Variants in CTBP2 observed in about 807,000 individuals in gnomAD.
CTBP2 encodes the protein C-terminal-binding protein 2.
A neutral mutation model predicts 80.3 loss-of-function variants in CTBP2; 30 were observed. The ratio of observed to expected loss-of-function variants is 0.37; its 90% confidence interval spans 0.28 to 0.51. CTBP2 has a LOEUF of 0.51. Ranked by LOEUF, CTBP2 falls within the 20% of genes least tolerant of loss-of-function variation. The pLI, the probability that CTBP2 is intolerant of heterozygous loss-of-function variation, is 0.93. For synonymous variants in CTBP2, 594 were observed against 587.4 expected, an observed-to-expected ratio of 1.01 and a Z score of -0.16; for missense variants, 1,212 against 1,375.3, an observed-to-expected ratio of 0.88 and a Z score of 1.88.
chr10:125,043,630 G>A (rs925161497), intron 2 of CTBP2, among the ~76,000 whole-genome samples: 1 of 152,052 alleles, frequency 6.6e-6, no homozygotes, highest in African/African-American at 2.4e-5. Flanking sequence ...TAGAGACTGG[G>A]TTTCACCGTG....
intron 3 of CTBP2, among the ~76,000 whole-genome samples, chr10:125,036,249 A>C (rs1211883897): frequency 6.6e-6 from 1 of 152,188 alleles, no homozygotes; most frequent in Non-Finnish European, 1.5e-5. Context: ...AGGTTGTACA[A>C]GTATCTGTGC....
At chr10:125,049,046 G>GACACACACACACACACACACGCAC (rs1962009426) in intron 2 of CTBP2, among the ~76,000 whole-genome samples, 1 of 89,662 alleles carries the variant, frequency 1.1e-5, no homozygotes, top group Non-Finnish European at 2.5e-5. Flanking sequence ...CCTGACCACA[G>GACACACACACACACACACACGCAC]ACACACACAC....
At chr10:125,115,885 G>A (rs574395028) in intron 1 of CTBP2, among the ~76,000 whole-genome samples, 1 of 152,198 alleles carries the variant, frequency 6.6e-6, no homozygotes, top group South Asian at 2.1e-4. Context: ...CCAAGCACAG[G>A]GCATGGTAGC....
At chr10:125,003,310 A>G in intron 2 of CTBP2, 28 bp downstream of exon 4, 1 of 1,603,978 alleles carries the variant, frequency 6.2e-7, no homozygotes, top group Non-Finnish European at 8.5e-7. Context: ...AGGTCAGTGC[A>G]GGCCCCGGCC....
chr10:125,124,936 A>G (rs1385550254), intron 1 of CTBP2, among the ~76,000 whole-genome samples: 1 of 152,232 alleles, frequency 6.6e-6, no homozygotes, highest in African/African-American at 2.4e-5. Flanking sequence ...GCTGGCATTT[A>G]TCTCGATGAA....
At chr10:125,064,415 G>A (rs1014251456) in intron 2 of CTBP2, among the ~76,000 whole-genome samples, 4 of 152,178 alleles carry the variant, frequency 2.6e-5, no homozygotes, top group Non-Finnish European at 5.9e-5. Flanking sequence ...TGTGGTGGGA[G>A]GGGTGCAATC....
chr10:125,057,173 A>C (rs2135288361), intron 2 of CTBP2, among the ~76,000 whole-genome samples: 1 of 152,300 alleles, frequency 6.6e-6, no homozygotes, highest in South Asian at 2.1e-4. Flanking sequence ...TAGAGACAAA[A>C]CCGATGAAAA....
intron 1 of CTBP2, among the ~76,000 whole-genome samples, chr10:125,006,748 T>C (rs1955294121): frequency 1.3e-5 from 2 of 152,224 alleles, no homozygotes; most frequent in Admixed American, 6.5e-5. Flanking sequence ...TACATTAAGA[T>C]GGAACACGAC....
At chr10:125,122,478 A>G (rs1376961766) in intron 1 of CTBP2, among the ~76,000 whole-genome samples, 1 of 152,198 alleles carries the variant, frequency 6.6e-6, no homozygotes, top group Non-Finnish European at 1.5e-5. Context: ...TCCTAAAGAA[A>G]CCATGCCAGC....
intron 2 of CTBP2, among the ~76,000 whole-genome samples, chr10:125,082,180 CCCCAGGCAG>C (rs1233651601): frequency 6.6e-6 from 1 of 152,240 alleles, no homozygotes; most frequent in Non-Finnish European, 1.5e-5. Context: ...GCCCTCCTCC[CCCCAGGCAG>C]CCTGTCTCTG....
intron 1 of CTBP2, among the ~76,000 whole-genome samples, chr10:125,013,901 C>T (rs984488712): frequency 3.3e-5 from 5 of 152,190 alleles, no homozygotes; most frequent in East Asian, 3.9e-4. Context: ...GATCTTGCCT[C>T]GGCAGGCTGA....
At chr10:125,087,361 C>T (rs750212347) in intron 2 of CTBP2, among the ~76,000 whole-genome samples, 12 of 152,058 alleles carry the variant, frequency 7.9e-5, no homozygotes, top group East Asian at 3.9e-4. Flanking sequence ...CATGAGCCAC[C>T]GCGCCCAGCC....
chr10:125,077,988 A>T (rs951777884), intron 2 of CTBP2, among the ~76,000 whole-genome samples: 1 of 152,128 alleles, frequency 6.6e-6, no homozygotes, highest in African/African-American at 2.4e-5. Flanking sequence ...TTCCCATAAG[A>T]ACCTTTCTCA....
In CTBP2 at chr10:124,993,315, G is replaced by A. The variant is rs200832115; in HGVS notation, c.2546C>T (p.Pro849Leu). ...GATGAGATTCGGGGCATCTTTCAACGGACCCTGAGCAAAGCTAGAAAAATG... is the reference window on the plus strand; with the variant it reads ...GATGAGATTCGGGGCATCTTTCAACAGACCCTGAGCAAAGCTAGAAAAATG... Residue 849 changes from proline to leucine, a missense_variant, in exon 7 of 9, where the codon CCG becomes CTG. Pro to Leu is a moderately conservative substitution (Grantham distance 98, BLOSUM62 -3). Transcript: ENST00000309035. The A allele has an allele frequency of 5.5e-5, 88 of 1,608,836 alleles. No homozygotes were observed. Among genetic ancestry groups the A allele is most frequent in the Admixed American group, 2.0e-4 (12 of 59,932 alleles).
upstream of CTBP2, among the ~76,000 whole-genome samples, chr10:125,031,487 T>TAAA (rs1445636888): frequency 2.5e-4 from 3 of 12,026 alleles, no homozygotes; most frequent in South Asian, 2.1e-3. Flanking sequence ...AGACTCCATT[T>TAAA]CAAAAAAAAA....
At chr10:125,084,515 T>A (rs1015414651) in intron 2 of CTBP2, among the ~76,000 whole-genome samples, 2 of 151,928 alleles carry the variant, frequency 1.3e-5, no homozygotes, top group African/African-American at 4.8e-5. Context: ...ACCTTCCCCA[T>A]CCTCTCTGGG....
chr10:125,071,727 T>C (rs1334972944), intron 2 of CTBP2, among the ~76,000 whole-genome samples: 1 of 152,102 alleles, frequency 6.6e-6, no homozygotes, highest in African/African-American at 2.4e-5. Context: ...TCTAAAACCA[T>C]AGTTAATGGT....
At chr10:124,990,082 C>A (rs1296443996) in intron 8 of CTBP2, among the ~76,000 whole-genome samples, 1 of 149,740 alleles carries the variant, frequency 6.7e-6, no homozygotes, top group East Asian at 2.0e-4. Flanking sequence ...CACTCTGTCG[C>A]CAGTCTGGAG....
intron 1 of CTBP2, among the ~76,000 whole-genome samples, chr10:125,140,804 C>T (rs1231655847): frequency 6.6e-6 from 1 of 151,952 alleles, no homozygotes; most frequent in Non-Finnish European, 1.5e-5. Flanking sequence ...GCATGGGTGA[C>T]AGTGTGACCC....
Sources: allele counts gnomAD v4.1 joint callset (sites outside exome capture counted in the v4.1 genomes callset), GRCh38; gene constraint gnomAD v4.1.1; transcripts MANE v1.5; gene names NCBI Gene and HGNC (gene_info 2026-07-23, HGNC 2026-07-21).